The following EXOC4 variants were observed in gnomAD, a reference collection of about 807,000 sequenced individuals.
EXOC4 encodes exocyst complex component 4.
Under a neutral mutation model 107.2 loss-of-function variants are expected in EXOC4, and 71 were observed. The observed-to-expected ratio is 0.66, with a 90% CI of 0.55 to 0.81. The LOEUF (loss-of-function observed/expected upper bound fraction) is 0.81. EXOC4 is among the 30% of genes least tolerant of loss of function. EXOC4 has a pLI of 0.00. For missense variants in EXOC4, 1,108 were observed against 1,189.6 expected (o/e 0.93, Z 1.01); for synonymous variants, 456 against 441.2 (o/e 1.03, Z -0.42).
chr7:133,520,961 T>A lies in EXOC4; in HGVS notation c.1417+40823T>A, dbSNP rs948244444. Among the ~76,000 whole-genome samples the A allele has an allele frequency of 3.9e-5, 6 of 152,176 alleles. 1 individual carries two copies. Among genetic ancestry groups the A allele is most frequent in the African/African-American group, 1.4e-4 (6 of 41,444 alleles). On this transcript the variant is annotated intron_variant, in intron 9 of 17. Coordinates refer to ENST00000253861, the MANE Select transcript of EXOC4 (RefSeq NM_021807.4). ...TAAGCTTTCATTGCAGGATGATTAC[T>A]GTTGGTGATGATGTATAAAATAAAG... is the stretch of plus-strand genomic sequence containing the variant.
At chr7:134,050,705 G>A (rs1195604970) in intron 17 of EXOC4, among the ~76,000 whole-genome samples, 2 of 152,258 alleles carry the variant, frequency 1.3e-5, no homozygotes, top group South Asian at 2.1e-4. Flanking sequence ...TGAATGGCAG[G>A]TTGAAGCAGG....
intron 9 of EXOC4, among the ~76,000 whole-genome samples, chr7:133,552,055 T>C (rs1279260816): frequency 6.6e-6 from 1 of 152,196 alleles, no homozygotes; most frequent in African/African-American, 2.4e-5. Flanking sequence ...GTTTTCATGG[T>C]TCAGGAATAA....
At chr7:133,998,434 G>A (rs1018491525) in intron 15 of EXOC4, among the ~76,000 whole-genome samples, 9 of 152,186 alleles carry the variant, frequency 5.9e-5, no homozygotes, top group Non-Finnish European at 8.8e-5. Context: ...AAAGTAACAA[G>A]AATGATCAGT....
intron 10 of EXOC4, among the ~76,000 whole-genome samples, chr7:133,656,011 T>C (rs1803284272): frequency 6.6e-6 from 1 of 152,174 alleles, no homozygotes; most frequent in East Asian, 1.9e-4. Context: ...GCTGTGACCT[T>C]AGCATGGCTA....
chr7:134,015,773 G>T (rs1794892410), intron 17 of EXOC4, among the ~76,000 whole-genome samples: 1 of 151,940 alleles, frequency 6.6e-6, no homozygotes, highest in African/African-American at 2.4e-5. Context: ...TACTTGGGAG[G>T]CTGAGGCAGG....
intron 12 of EXOC4, 33 bp downstream of exon 12, chr7:133,895,768 C>A (rs550056750): frequency 6.3e-7 from 1 of 1,595,220 alleles, no homozygotes; most frequent in Non-Finnish European, 8.6e-7. Context: ...AGCAAAGTAA[C>A]GTTTGAGCCT....
Position 133,723,195 on chromosome 7 carries a change from A to G in EXOC4, c.1514+93054A>G, listed in dbSNP as rs945273247. On this transcript the variant is annotated intron_variant, in intron 10 of 17. Coordinates refer to ENST00000253861, the MANE Select transcript of EXOC4 (RefSeq NM_021807.4). ...ATTCACAGCAAAAATAAAAAGTGTT[A>G]CAAGGGGTAGAAAAGAGGGGAGAAG... Among the ~76,000 whole-genome samples the G allele has an allele frequency of 3.9e-5, 6 of 152,348 alleles. No individual in the cohort carries two copies. The East Asian group carries it at 7.7e-4, about 20-fold the overall frequency.
intron 8 of EXOC4, chr7:133,479,642 CTG>C: frequency 5.2e-6 from 1 of 191,670 alleles, no homozygotes. Flanking sequence ...GCCAGTGTGT[CTG>C]TGTTGGTAGC....
rs567479781 is a variant in EXOC4 at position 133,259,165 on chromosome 7, G to A, written c.86+5978G>A. 3.3e-5 allele frequency among the ~76,000 whole-genome samples: 5 copies of A among 150,268 alleles called. No individual in the cohort carries two copies. The East Asian group carries it at 9.8e-4, about 29-fold the overall frequency. ...CTATACAGTGTTCATAGTTATATAT[G>A]TTTTTTAAGTGGAGGAATTAAACAT... On this transcript the variant is annotated intron_variant, in intron 1 of 17. Transcript: ENST00000253861.
chr7:133,389,252 A>G (rs1796796841), intron 7 of EXOC4, among the ~76,000 whole-genome samples: 1 of 152,092 alleles, frequency 6.6e-6, no homozygotes, highest in Admixed American at 6.6e-5. Context: ...AGGAATTTTC[A>G]ATACCTTTTA....
At chr7:133,424,217 C>T (rs1017857786) in intron 7 of EXOC4, among the ~76,000 whole-genome samples, 3 of 152,150 alleles carry the variant, frequency 2.0e-5, no homozygotes, top group Admixed American at 2.0e-4. Flanking sequence ...AATTTTGCTG[C>T]TGCTCACTCT....
intron 12 of EXOC4, among the ~76,000 whole-genome samples, chr7:133,915,233 GATTCATTCATTCATTC>G (rs113597847): frequency 6.7e-6 from 1 of 150,080 alleles, no homozygotes; most frequent in Non-Finnish European, 1.5e-5. Context: ...GCAGGGAAGA[GATTCATTCATTCATTC>G]ATTCATTCAT....
At chr7:133,335,389 C>G (rs1795489594) in intron 5 of EXOC4, among the ~76,000 whole-genome samples, 1 of 152,080 alleles carries the variant, frequency 6.6e-6, no homozygotes, top group Admixed American at 6.5e-5. Context: ...CTGGCGGCCC[C>G]CATTCTACTT....
At chr7:133,392,003 A>G (rs994272119) in intron 7 of EXOC4, among the ~76,000 whole-genome samples, 1 of 152,334 alleles carries the variant, frequency 6.6e-6, no homozygotes. Context: ...CCGCAGTAGT[A>G]TAGGCAAGCA....
chr7:133,484,284 G>A, intron 9 of EXOC4: 1 of 1,068,000 alleles, frequency 9.4e-7, no homozygotes, highest in Non-Finnish European at 1.3e-6. Context: ...GCTGTTGGCA[G>A]TTGGGCTGCG....
chr7:133,819,767 A>G (rs761945278), intron 11 of EXOC4, among the ~76,000 whole-genome samples: 2 of 152,218 alleles, frequency 1.3e-5, no homozygotes, highest in Non-Finnish European at 2.9e-5. Flanking sequence ...AAAAGGCATC[A>G]GTACATTACA....
intron 3 of EXOC4, among the ~76,000 whole-genome samples, chr7:133,295,285 A>C (rs1222675602): frequency 6.6e-6 from 1 of 152,126 alleles, no homozygotes; most frequent in Non-Finnish European, 1.5e-5. Flanking sequence ...GTGGGTGGAT[A>C]GGGTTTTTCT....
chr7:133,770,737 T>G (rs143608411), intron 10 of EXOC4, among the ~76,000 whole-genome samples: 46 of 152,052 alleles, frequency 3.0e-4, no homozygotes, highest in African/African-American at 1.1e-3. Context: ...TTTTAAAATA[T>G]GTAGACTCAT....
intron 11 of EXOC4, among the ~76,000 whole-genome samples, chr7:133,856,794 G>C (rs763735079): frequency 6.6e-6 from 1 of 151,928 alleles, no homozygotes; most frequent in Non-Finnish European, 1.5e-5. Context: ...AAATGCAATA[G>C]AGAAACAGAA....
Sources: gnomAD v4.1 joint callset for allele counts (sites outside exome capture counted in the v4.1 genomes callset) on GRCh38, gnomAD v4.1.1 for gene constraint, MANE v1.5 for transcripts, NCBI Gene and HGNC (gene_info 2026-07-23, HGNC 2026-07-21) for gene names.